GPHN: variants seen among roughly 807,000 people sequenced by gnomAD.
GPHN encodes gephyrin.
Under a neutral mutation model 95.5 loss-of-function variants are expected in GPHN, and 17 were observed. That is an observed-to-expected ratio of 0.18 (90% CI 0.12 to 0.27). The LOEUF (loss-of-function observed/expected upper bound fraction) is 0.27. Among genes scored for constraint, GPHN ranks in the 10% least tolerant of loss-of-function variants. GPHN has a pLI of 1.00. For missense variants in GPHN, 660 were observed against 978.1 expected, an observed-to-expected ratio of 0.67 and a Z score of 4.34; for synonymous variants, 320 against 322.5, an observed-to-expected ratio of 0.99 and a Z score of 0.08.
At chr14:67,243,109 T>A in the GPHN span, among the ~76,000 whole-genome samples, 1 of 152,216 alleles carries the variant, frequency 6.6e-6, no homozygotes, top group Non-Finnish European at 1.5e-5. Flanking sequence ...AATGCCCTAT[T>A]TCTCTGATAT....
intron 5 of GPHN, 57 bp downstream of exon 5, chr14:66,880,090 A>G: frequency 2.8e-6 from 3 of 1,068,862 alleles, no homozygotes; most frequent in Non-Finnish European, 4.4e-6. Context: ...TTTCCGTGAT[A>G]TTAAAAAAAA....
chr14:66,800,499 C>T (rs187304038), intron 3 of GPHN, among the ~76,000 whole-genome samples: 3 of 152,046 alleles, frequency 2.0e-5, no homozygotes, highest in Admixed American at 2.0e-4. Context: ...TATGTCATGC[C>T]CCTCTTTCTT....
At chr14:67,254,998 A>C in the GPHN span, among the ~76,000 whole-genome samples, 1 of 152,122 alleles carries the variant, frequency 6.6e-6, no homozygotes, top group Non-Finnish European at 1.5e-5. Flanking sequence ...AAAATACAAA[A>C]ATTAGCTGGG....
At chr14:67,129,417 A>C (rs984119867) in intron 17 of GPHN, among the ~76,000 whole-genome samples, 1 of 152,208 alleles carries the variant, frequency 6.6e-6, no homozygotes, top group African/African-American at 2.4e-5. Flanking sequence ...ATTTTAAGTA[A>C]AATTATAATA....
the GPHN span, among the ~76,000 whole-genome samples, chr14:67,363,519 C>T: frequency 1.3e-5 from 2 of 152,054 alleles, no homozygotes; most frequent in Non-Finnish European, 2.9e-5. Flanking sequence ...AGAATATAGT[C>T]TTACTGATAA....
At chr14:66,909,796 T>C (rs1183278446) in intron 5 of GPHN, among the ~76,000 whole-genome samples, 1 of 151,898 alleles carries the variant, frequency 6.6e-6, no homozygotes, top group Non-Finnish European at 1.5e-5. Flanking sequence ...ATACAAGCAT[T>C]GAAAAGGACA....
chr14:67,414,388 G>C, the GPHN span, among the ~76,000 whole-genome samples: 2 of 152,224 alleles, frequency 1.3e-5, no homozygotes, highest in African/African-American at 4.8e-5. Flanking sequence ...AGCCCACCAG[G>C]GAACCATGAT....
chr14:67,414,600 A>G, the GPHN span, among the ~76,000 whole-genome samples: 1 of 152,236 alleles, frequency 6.6e-6, no homozygotes, highest in Non-Finnish European at 1.5e-5. Flanking sequence ...GGACAGGGAC[A>G]GATAATGCCT....
the GPHN span, among the ~76,000 whole-genome samples, chr14:67,436,565 G>A: frequency 6.6e-6 from 1 of 152,098 alleles, no homozygotes; most frequent in African/African-American, 2.4e-5. Flanking sequence ...GTTTCTTCAG[G>A]ACACCAGAGT....
the GPHN span, among the ~76,000 whole-genome samples, chr14:67,643,027 TC>T: frequency 6.6e-6 from 1 of 152,136 alleles, no homozygotes; most frequent in Admixed American, 6.6e-5. Flanking sequence ...GGTCTCGAAC[TC>T]CTGAGCTCAA....
the GPHN span, among the ~76,000 whole-genome samples, chr14:67,259,607 C>T: frequency 6.6e-6 from 1 of 151,828 alleles, no homozygotes; most frequent in Non-Finnish European, 1.5e-5. Flanking sequence ...GCAAGACTGT[C>T]TCTAAATAAA....
At chr14:67,008,462 A>G (rs1450798424) in intron 9 of GPHN, among the ~76,000 whole-genome samples, 2 of 151,638 alleles carry the variant, frequency 1.3e-5, no homozygotes, top group Non-Finnish European at 2.9e-5. Flanking sequence ...TCAAAAAAAG[A>G]AAAAAGAAAA....
chr14:67,679,353 C>A, the GPHN span, among the ~76,000 whole-genome samples: 16 of 152,028 alleles, frequency 1.1e-4, no homozygotes, highest in Non-Finnish European at 1.8e-4. Flanking sequence ...ACATTCAAAT[C>A]ATAGCAAAGT....
intron 10 of GPHN, among the ~76,000 whole-genome samples, chr14:67,033,892 C>T (rs939992603): frequency 2.6e-5 from 4 of 152,188 alleles, no homozygotes; most frequent in African/African-American, 9.7e-5. Context: ...ATAAACCTTA[C>T]AGGTCAGAAG....
At chr14:67,543,103 A>G in the GPHN span, among the ~76,000 whole-genome samples, 3 of 152,234 alleles carry the variant, frequency 2.0e-5, no homozygotes, top group Non-Finnish European at 2.9e-5. Context: ...TAAGTGAATC[A>G]ATCATTATAT....
At chr14:67,241,796 T>G in the GPHN span, 1 of 151,660 alleles carries the variant, frequency 6.6e-6, no homozygotes, top group African/African-American at 2.4e-5. Flanking sequence ...GGCATGCACC[T>G]TGGCGCGGGC....
the GPHN span, among the ~76,000 whole-genome samples, chr14:67,658,139 G>A: frequency 4.6e-5 from 7 of 152,124 alleles, no homozygotes; most frequent in East Asian, 1.9e-4. Flanking sequence ...TTAGGTTAGC[G>A]CAAAGGAAGA....
the GPHN span, among the ~76,000 whole-genome samples, chr14:67,455,548 C>T: frequency 9.7e-4 from 147 of 152,218 alleles, no homozygotes; most frequent in African/African-American, 3.4e-3. Context: ...CTCATCTCTC[C>T]TATGGATCAA....
rs535269767 is a variant in GPHN, at chr14:66,742,907, G to A, written c.144-33557G>A. 4.6e-5 allele frequency among the ~76,000 whole-genome samples: 7 copies of A among 152,190 alleles called. No individual in the cohort carries two copies. In the South Asian group the frequency reaches 1.0e-3, roughly 23 times the overall value. On this transcript the variant is annotated intron_variant, in intron 2 of 22. Coordinates refer to ENST00000478722, the MANE Select transcript of GPHN (RefSeq NM_020806.5). ...CTCCCGAGTAGTTGGGACCACAGGC[G>A]CACACCGCCATGCTTGGCTAATTTT... is the stretch of plus-strand genomic sequence containing the variant.
Sources: allele counts gnomAD v4.1 joint callset (sites outside exome capture counted in the v4.1 genomes callset), GRCh38; gene constraint gnomAD v4.1.1; transcripts MANE v1.5; gene names NCBI Gene and HGNC (gene_info 2026-07-23, HGNC 2026-07-21).